The following CPPED1 variants were observed in gnomAD, a reference collection of about 807,000 sequenced individuals.
CPPED1 encodes calcineurin like phosphoesterase domain containing 1.
In CPPED1, 28 loss-of-function variants were observed where a neutral mutation model predicts 28.0. The ratio of observed to expected loss-of-function variants is 1.00; its 90% confidence interval spans 0.74 to 1.37. The LOEUF (loss-of-function observed/expected upper bound fraction) is 1.37. Among genes scored for constraint, CPPED1 ranks in the 40% most tolerant of loss-of-function variants. The probability of loss-of-function intolerance (pLI) is 0.00; values close to 1 mark genes in which losing one functional copy is unlikely to be tolerated. For synonymous variants in CPPED1, 198 were observed against 180.2 expected (o/e 1.10, Z -0.79); for missense variants, 504 against 416.5 (o/e 1.21, Z -1.83).
chr16:12,744,969 T>C (rs190538205), intron 2 of CPPED1, among the ~76,000 whole-genome samples: 2 of 152,146 alleles, frequency 1.3e-5, no homozygotes, highest in Admixed American at 1.3e-4. Flanking sequence ...CCTTGGGCAA[T>C]AGAGCCAGAC....
chr16:12,771,837 T>A lies in CPPED1; in HGVS notation c.289+9348A>T, dbSNP rs189753079. Reference sequence around the variant, plus strand: ...CATTACAGAATTAGAAACCTCCCAGTGGGGGTCAGGCATGGTGGCTCATGT... The same window carrying A: ...CATTACAGAATTAGAAACCTCCCAGAGGGGGTCAGGCATGGTGGCTCATGT... On this transcript the variant is annotated intron_variant, in intron 2 of 3. Transcript: ENST00000381774. Among the ~76,000 whole-genome samples the A allele has an allele frequency of 3.2e-3, 491 of 152,234 alleles. 6 individuals carry two copies. Among genetic ancestry groups the A allele is most frequent in the Non-Finnish European group, 3.9e-3 (262 of 68,014 alleles).
At chr16:12,793,166 C>G (rs2080606618) in intron 1 of CPPED1, among the ~76,000 whole-genome samples, 1 of 152,212 alleles carries the variant, frequency 6.6e-6, no homozygotes. Context: ...TAAAACCTTA[C>G]ACGATAGCGG....
At chr16:12,717,975 C>G (rs975569850) in intron 2 of CPPED1, among the ~76,000 whole-genome samples, 1 of 152,178 alleles carries the variant, frequency 6.6e-6, no homozygotes, top group Non-Finnish European at 1.5e-5. Context: ...ATTTACCCTT[C>G]GTAAACTCAA....
At chr16:12,770,499 G>A (rs2080463723) in intron 2 of CPPED1, among the ~76,000 whole-genome samples, 1 of 152,152 alleles carries the variant, frequency 6.6e-6, no homozygotes, top group South Asian at 2.1e-4. Flanking sequence ...ACACAACAAT[G>A]TGCACAGTAT....
At chr16:12,737,369 G>A (rs573014072) in intron 2 of CPPED1, among the ~76,000 whole-genome samples, 2 of 152,186 alleles carry the variant, frequency 1.3e-5, no homozygotes, top group East Asian at 1.9e-4. Flanking sequence ...TGTAGGAAGA[G>A]GGAACAGAAT....
rs577914765 is a variant in CPPED1 at position 12,717,625 on chromosome 16, G to GAC, written c.290-12578_290-12577dup. ...ACTTGTGTTGAAATAGAGACAGACA[G>GAC]ACACACACACACATAATAATAATTA... On this transcript the variant is annotated intron_variant, in intron 2 of 3. Transcript: ENST00000381774. Among the ~76,000 whole-genome samples, 16 of 151,868 alleles carry GAC rather than the reference G, an allele frequency of 1.1e-4. No individual in the cohort carries two copies. In the East Asian group the frequency reaches 2.5e-3, roughly 24 times the overall value.
chr16:12,801,283 G>C (rs1360490207), intron 1 of CPPED1, among the ~76,000 whole-genome samples: 1 of 152,112 alleles, frequency 6.6e-6, no homozygotes, highest in Admixed American at 6.6e-5. Flanking sequence ...AGTACAGATG[G>C]AGTTTCACCA....
chr16:12,724,582 C>A (rs986598501), intron 2 of CPPED1, among the ~76,000 whole-genome samples: 1 of 152,192 alleles, frequency 6.6e-6, no homozygotes, highest in African/African-American at 2.4e-5. Flanking sequence ...TACATCATCC[C>A]TTCCCTGGTG....
Position 12,705,008 on chromosome 16 carries a change from C to G in CPPED1, c.331G>C (p.Val111Leu). The change falls in exon 3 of 4, where the codon GTG (valine) becomes CTG (leucine). Residue 111 changes from valine (V) to leucine (L), a missense_variant. By Grantham distance (32) the Val-to-Leu change is conservative. Transcript: ENST00000381774. ...RTEQTEDLKR[V>L]LRAVDRAIPL... Reference sequence around the variant, plus strand: ...ATGGCCCTGTCCACTGCCCTAAGCACTCGCTTCAGGTCCTCCGTCTGCTCC... The same window carrying G: ...ATGGCCCTGTCCACTGCCCTAAGCAGTCGCTTCAGGTCCTCCGTCTGCTCC... The G allele has an allele frequency of 1.9e-6, 3 of 1,613,994 alleles. No homozygotes were observed. Among genetic ancestry groups the G allele is most frequent in the Non-Finnish European group, 2.5e-6 (3 of 1,179,882 alleles).
chr16:12,671,710 A>G (rs995144639), intron 3 of CPPED1, among the ~76,000 whole-genome samples: 22 of 152,176 alleles, frequency 1.4e-4, no homozygotes, highest in African/African-American at 5.1e-4. Context: ...AGGTGGTCCC[A>G]TAAGATTATA....
At chr16:12,672,756 G>C (rs565793736) in intron 3 of CPPED1, among the ~76,000 whole-genome samples, 102 of 152,314 alleles carry the variant, frequency 6.7e-4, no homozygotes, top group African/African-American at 2.4e-3. Flanking sequence ...GATTGGGAAT[G>C]AAATCCCAGC....
intron 2 of CPPED1, among the ~76,000 whole-genome samples, chr16:12,749,031 G>C (rs180930389): frequency 6.6e-6 from 1 of 152,188 alleles, no homozygotes; most frequent in African/African-American, 2.4e-5. Flanking sequence ...GCCTTGCCTT[G>C]ATGTTCATGA....
intron 2 of CPPED1, among the ~76,000 whole-genome samples, chr16:12,746,328 T>C (rs1402730263): frequency 7.1e-6 from 1 of 140,704 alleles, no homozygotes; most frequent in Non-Finnish European, 1.5e-5. Context: ...GAGCTGAGAG[T>C]GTACCACTGC....
intron 3 of CPPED1, among the ~76,000 whole-genome samples, chr16:12,700,600 C>T (rs2080015346): frequency 6.6e-6 from 1 of 152,202 alleles, no homozygotes; most frequent in Admixed American, 6.5e-5. Context: ...CCCTGCTGGC[C>T]AGGCTGGTCT....
intron 2 of CPPED1, among the ~76,000 whole-genome samples, chr16:12,772,609 A>C (rs2080476346): frequency 1.3e-5 from 2 of 152,238 alleles, no homozygotes; most frequent in South Asian, 4.1e-4. Flanking sequence ...ATGGTCCCCA[A>C]AATTCAAATA....
intron 3 of CPPED1, among the ~76,000 whole-genome samples, chr16:12,702,332 T>A (rs1274162678): frequency 1.3e-5 from 2 of 151,902 alleles, no homozygotes; most frequent in Non-Finnish European, 2.9e-5. Context: ...GGCCAGGAGT[T>A]AAAGCCCAGT....
intron 1 of CPPED1, among the ~76,000 whole-genome samples, chr16:12,796,062 G>A (rs929325055): frequency 2.7e-5 from 4 of 150,646 alleles, no homozygotes; most frequent in Admixed American, 6.6e-5. Flanking sequence ...TAGCCTGGGC[G>A]ATAGAGCAAG....
Position 12,665,109 on chromosome 16 carries a change from T to G in CPPED1, c.722A>C (p.Lys241Thr). Residue 241 changes from lysine to threonine, a missense_variant, in exon 4 of 4, where the codon AAA becomes ACA. Physicochemically the swap from Lys to Thr is moderately conservative, Grantham distance 78. Coordinates refer to ENST00000381774, the MANE Select transcript of CPPED1 (RefSeq NM_018340.3). ...LADKFIHAGVKVVFSGHYHRN... is the reference protein window; with the variant it reads ...LADKFIHAGVTVVFSGHYHRN... Reference sequence around the variant, plus strand: ...GTGGTAGTGGCCTGAGAACACGACTTTGACACCTGCAGAGAAGGGAAAAAG... The same window carrying G: ...GTGGTAGTGGCCTGAGAACACGACTGTGACACCTGCAGAGAAGGGAAAAAG... 1 of 1,594,058 alleles carries G rather than the reference T, an allele frequency of 6.3e-7. No individual in the cohort carries two copies. Among genetic ancestry groups the G allele is most frequent in the Non-Finnish European group, 8.5e-7 (1 of 1,174,348 alleles).
At chr16:12,739,054 C>A (rs2080241035) in intron 2 of CPPED1, among the ~76,000 whole-genome samples, 1 of 152,088 alleles carries the variant, frequency 6.6e-6, no homozygotes. Flanking sequence ...AGTCTTGGGT[C>A]TGCTGCTTAC....
Sources: gnomAD v4.1 joint callset for allele counts (sites outside exome capture counted in the v4.1 genomes callset) on GRCh38, gnomAD v4.1.1 for gene constraint, MANE v1.5 for transcripts, NCBI Gene and HGNC (gene_info 2026-07-23, HGNC 2026-07-21) for gene names.